Variants in CAP2 observed in about 807,000 individuals in gnomAD.
The protein encoded by CAP2 is cyclase associated actin cytoskeleton regulatory protein 2.
Under a neutral mutation model 57.7 loss-of-function variants are expected in CAP2, and 24 were observed. That is an observed-to-expected ratio of 0.42 (90% CI 0.30 to 0.58). The LOEUF (loss-of-function observed/expected upper bound fraction) is 0.58. Among genes scored for constraint, CAP2 ranks in the 20% least tolerant of loss-of-function variants. The probability of loss-of-function intolerance (pLI) is 0.22; values close to 1 mark genes in which losing one functional copy is unlikely to be tolerated. For missense variants in CAP2, 501 were observed against 590.3 expected, an observed-to-expected ratio of 0.85 and a Z score of 1.57; for synonymous variants, 194 against 207.2, an observed-to-expected ratio of 0.94 and a Z score of 0.55.
chr6:17,529,715 C>G (rs1158418444), intron 7 of CAP2, among the ~76,000 whole-genome samples: 4 of 150,808 alleles, frequency 2.7e-5, no homozygotes, highest in Middle Eastern at 3.5e-3. Flanking sequence ...GGAAGACCAT[C>G]TGATTTATGT....
intron 11 of CAP2, among the ~76,000 whole-genome samples, chr6:17,544,242 A>G (rs545066679): frequency 6.6e-6 from 1 of 152,262 alleles, no homozygotes; most frequent in East Asian, 1.9e-4. Context: ...ATATGATTTG[A>G]GTGAATCAAC....
At chr6:17,543,715 T>G (rs6914958) in intron 11 of CAP2, among the ~76,000 whole-genome samples, 28,356 of 151,636 alleles carry the variant, frequency 0.19, 2,731 homozygotes, top group South Asian at 0.27. Flanking sequence ...CACAGCTCTA[T>G]CATCACCTCC....
chr6:17,399,386 G>A (rs1244621649), intron 1 of CAP2, among the ~76,000 whole-genome samples: 3 of 152,112 alleles, frequency 2.0e-5, no homozygotes, highest in African/African-American at 7.2e-5. Context: ...ATATCCAGGG[G>A]AATTCCATCT....
intron 4 of CAP2, among the ~76,000 whole-genome samples, chr6:17,473,168 AG>A (rs1335937702): frequency 2.0e-5 from 3 of 152,246 alleles, no homozygotes; most frequent in African/African-American, 7.2e-5. Flanking sequence ...AGATTATCTG[AG>A]GGGTAAAGGT....
intron 3 of CAP2, among the ~76,000 whole-genome samples, chr6:17,427,080 G>A (rs887465579): frequency 3.9e-5 from 6 of 152,224 alleles, no homozygotes; most frequent in Admixed American, 2.6e-4. Flanking sequence ...TATTGCTTGA[G>A]ATAGGAAGGT....
chr6:17,398,813 C>G (rs1016885816), intron 1 of CAP2, among the ~76,000 whole-genome samples: 1 of 152,110 alleles, frequency 6.6e-6, no homozygotes, highest in South Asian at 2.1e-4. Context: ...CGTGAGCCAC[C>G]GTGCCCGGTC....
At chr6:17,530,465 G>A (rs1035838279) in intron 7 of CAP2, among the ~76,000 whole-genome samples, 2 of 152,086 alleles carry the variant, frequency 1.3e-5, no homozygotes, top group African/African-American at 4.8e-5. Flanking sequence ...ATGGTAAGCC[G>A]GGTGGTTATT....
intron 4 of CAP2, among the ~76,000 whole-genome samples, chr6:17,496,629 T>C (rs1761674992): frequency 6.6e-6 from 1 of 152,158 alleles, no homozygotes; most frequent in South Asian, 2.1e-4. Flanking sequence ...CCCAGCTGTT[T>C]GCTCCTGAGA....
chr6:17,490,540 A>C (rs912188487), intron 4 of CAP2, among the ~76,000 whole-genome samples: 25 of 152,372 alleles, frequency 1.6e-4, no homozygotes, highest in Non-Finnish European at 2.6e-4. Context: ...AAACACTTGC[A>C]ATTTTAAAAT....
In CAP2 at chr6:17,393,625, C is replaced by G. The variant is rs771815858; in HGVS notation, c.-123C>G. The G allele has an allele frequency of 6.6e-6, 1 of 152,368 alleles. No homozygotes were observed. The highest frequency in any genetic ancestry group is 1.5e-5 in the Non-Finnish European group (1 of 68,166). 9.4% of individuals were successfully genotyped at this position (152,368 alleles called of 1,614,324 possible). A position where few individuals can be genotyped will look rare whatever the true frequency, so the allele number is the denominator to read the frequency against. On this transcript the variant is annotated 5_prime_UTR_variant, in exon 1 of 13. Transcript: ENST00000229922. ...TCCCCTGGAGCAGCGTGACTGACACCGGCTCCTATTCAGCTGGGAGGAGGG... is the reference window on the plus strand; with the variant it reads ...TCCCCTGGAGCAGCGTGACTGACACGGGCTCCTATTCAGCTGGGAGGAGGG...
chr6:17,556,497 A>G lies in CAP2; in HGVS notation c.*55A>G. 1.6e-6 allele frequency: 2 copies of G among 1,284,438 alleles called. No individual in the cohort carries two copies. The highest frequency in any genetic ancestry group is 2.3e-5 in the East Asian group (1 of 43,410). 79.6% of individuals were successfully genotyped at this position (1,284,438 alleles called of 1,614,324 possible). ...AATCCCCCTCTATCAAACAAACAAA[A>G]AAGCAGCAGTAAAGAGCTAGAAGTT... On this transcript the variant is annotated 3_prime_UTR_variant, in exon 13 of 13. Transcript: ENST00000229922.
At chr6:17,483,332 C>CT (rs1158863239) in intron 4 of CAP2, among the ~76,000 whole-genome samples, 1 of 152,044 alleles carries the variant, frequency 6.6e-6, no homozygotes, top group Non-Finnish European at 1.5e-5. Context: ...TTCTTGATTT[C>CT]TTTTTTTTCC....
At chr6:17,468,335 T>G (rs569203910) in intron 4 of CAP2, among the ~76,000 whole-genome samples, 1 of 152,246 alleles carries the variant, frequency 6.6e-6, no homozygotes, top group Non-Finnish European at 1.5e-5. Context: ...TACTAGGACA[T>G]TTCAACATTT....
chr6:17,486,011 A>G (rs1761409464), intron 4 of CAP2, among the ~76,000 whole-genome samples: 1 of 152,200 alleles, frequency 6.6e-6, no homozygotes, highest in African/African-American at 2.4e-5. Context: ...CATACACAAC[A>G]ATCACCTATA....
chr6:17,418,414 G>A (rs890247224), intron 1 of CAP2, among the ~76,000 whole-genome samples: 1 of 152,116 alleles, frequency 6.6e-6, no homozygotes, highest in Non-Finnish European at 1.5e-5. Flanking sequence ...CATCTGAGTC[G>A]CTTTTCGACT....
intron 1 of CAP2, among the ~76,000 whole-genome samples, chr6:17,412,686 A>G (rs1183018513): frequency 6.6e-6 from 1 of 152,136 alleles, no homozygotes; most frequent in East Asian, 1.9e-4. Context: ...AGGTAATTGT[A>G]CATGTGGTTT....
intron 7 of CAP2, among the ~76,000 whole-genome samples, chr6:17,525,234 A>G (rs924487280): frequency 6.6e-6 from 1 of 152,096 alleles, no homozygotes; most frequent in Non-Finnish European, 1.5e-5. Flanking sequence ...CTCTCCATCA[A>G]TCAAAATAGT....
chr6:17,490,730 A>C (rs1297938952), intron 4 of CAP2, among the ~76,000 whole-genome samples: 1 of 152,158 alleles, frequency 6.6e-6, no homozygotes, highest in Non-Finnish European at 1.5e-5. Flanking sequence ...GAGGCCTCCT[A>C]TTAGGCCAGG....
chr6:17,424,182 C>T (rs1206043812), intron 2 of CAP2, among the ~76,000 whole-genome samples: 3 of 152,060 alleles, frequency 2.0e-5, no homozygotes, highest in Non-Finnish European at 4.4e-5. Flanking sequence ...GAGCCGATCA[C>T]GAGGTCAGGA....
Sources: allele counts gnomAD v4.1 joint callset (sites outside exome capture counted in the v4.1 genomes callset), GRCh38; gene constraint gnomAD v4.1.1; transcripts MANE v1.5; gene names NCBI Gene and HGNC (gene_info 2026-07-23, HGNC 2026-07-21).